PI4K2B: variants seen among roughly 807,000 people sequenced by gnomAD.
The protein encoded by PI4K2B is phosphatidylinositol 4-kinase type 2-beta.
Under a neutral mutation model 56.6 loss-of-function variants are expected in PI4K2B, and 46 were observed. The observed-to-expected ratio is 0.81, with a 90% confidence interval of 0.64 to 1.04. PI4K2B has a LOEUF of 1.04. Among genes scored for constraint, PI4K2B ranks in the 50% least tolerant of loss-of-function variants. The pLI, the probability that PI4K2B is intolerant of heterozygous loss-of-function variation, is 0.00. For synonymous variants in PI4K2B, 211 were observed against 223.8 expected (o/e 0.94, Z 0.51); for missense variants, 556 against 607.7 (o/e 0.91, Z 0.89).
At chr4:25,238,207 C>G (rs1715349558) in intron 1 of PI4K2B, among the ~76,000 whole-genome samples, 1 of 152,174 alleles carries the variant, frequency 6.6e-6, no homozygotes, top group Admixed American at 6.5e-5. Context: ...TTTGAAATTA[C>G]TGAGCAGCTA....
intron 7 of PI4K2B, among the ~76,000 whole-genome samples, chr4:25,264,849 T>C (rs1056779873): frequency 4.0e-5 from 6 of 151,400 alleles, no homozygotes; most frequent in African/African-American, 1.2e-4. Flanking sequence ...CCAGCCTGGG[T>C]GACAAGAGTG....
chr4:25,276,726 T>C, intron 9 of PI4K2B: 2 of 985,400 alleles, frequency 2.0e-6, no homozygotes, highest in Non-Finnish European at 2.4e-6. Flanking sequence ...TTTGATTCCA[T>C]TGCTCCTGGA....
At chr4:25,234,588 C>T (rs894957001) in intron 1 of PI4K2B, among the ~76,000 whole-genome samples, 157 bp downstream of exon 1, 1 of 152,246 alleles carries the variant, frequency 6.6e-6, no homozygotes, top group South Asian at 2.1e-4. Flanking sequence ...CAGCCGCAGC[C>T]GCACCGCGGG....
chr4:25,234,810 G>T (rs1715179806), intron 1 of PI4K2B, among the ~76,000 whole-genome samples: 1 of 152,218 alleles, frequency 6.6e-6, no homozygotes, highest in South Asian at 2.1e-4. Context: ...GAAAGTTCCC[G>T]GAGTGGTGAA....
At chr4:25,251,933 C>A (rs1434236705) in intron 1 of PI4K2B, among the ~76,000 whole-genome samples, 1 of 152,086 alleles carries the variant, frequency 6.6e-6, no homozygotes, top group African/African-American at 2.4e-5. Flanking sequence ...AAGTGATTCT[C>A]CTGCCTCAGC....
intron 6 of PI4K2B, among the ~76,000 whole-genome samples, chr4:25,263,433 A>C (rs1560377258): frequency 6.6e-6 from 1 of 152,214 alleles, no homozygotes; most frequent in African/African-American, 2.4e-5. Flanking sequence ...TAAGCAATGA[A>C]TCTAGCAGTA....
At chr4:25,250,874 A>G (rs569888472) in intron 1 of PI4K2B, among the ~76,000 whole-genome samples, 10 of 152,176 alleles carry the variant, frequency 6.6e-5, no homozygotes, top group African/African-American at 2.2e-4. Context: ...GGTAGAGCCA[A>G]TACAACCTGC....
chr4:25,271,498 G>A (rs1216972066), intron 9 of PI4K2B, among the ~76,000 whole-genome samples: 3 of 152,158 alleles, frequency 2.0e-5, no homozygotes, highest in Non-Finnish European at 2.9e-5. Context: ...CTTAGTAGAC[G>A]AGGAGATGAC....
chr4:25,270,045 A>G (rs1015341612), intron 9 of PI4K2B, among the ~76,000 whole-genome samples: 3 of 151,954 alleles, frequency 2.0e-5, no homozygotes, highest in Non-Finnish European at 4.4e-5. Context: ...CTTGTTGTAT[A>G]CTGTTTATTT....
Position 25,256,613 on chromosome 4 carries a change from A to G in PI4K2B, c.695A>G (p.Tyr232Cys), listed in dbSNP as rs1187355970. The G allele has an allele frequency of 4.3e-6, 7 of 1,613,984 alleles. No homozygotes were observed. Among genetic ancestry groups the G allele is most frequent in the Non-Finnish European group, 5.9e-6 (7 of 1,179,912 alleles). Residue 232 changes from tyrosine (Y) to cysteine (C), a missense_variant, in exon 4 of 10, where the codon TAT becomes TGT. Coordinates refer to ENST00000264864, the MANE Select transcript of PI4K2B (RefSeq NM_018323.4). ...IDRAKSRGKK[Y>C]ALEKVPKVGR... ...CGTGCAAAATCAAGAGGCAAAAAGT[A>G]TGCTTTAGAAAAAGTGCCAAAAGTG... is the stretch of plus-strand genomic sequence containing the variant.
At chr4:25,273,714 C>T (rs1716998029) in intron 9 of PI4K2B, among the ~76,000 whole-genome samples, 1 of 152,252 alleles carries the variant, frequency 6.6e-6, no homozygotes, top group African/African-American at 2.4e-5. Flanking sequence ...CCCTCTTCTC[C>T]CATTCCTCTT....
intron 1 of PI4K2B, among the ~76,000 whole-genome samples, chr4:25,252,074 G>A (rs146207043): frequency 0.074 from 11,269 of 152,094 alleles, 467 homozygotes; most frequent in South Asian, 0.13. Flanking sequence ...TGATCCACTC[G>A]CCTCAGCCTC....
At chr4:25,248,723 A>G (rs1715902546) in intron 1 of PI4K2B, among the ~76,000 whole-genome samples, 1 of 152,064 alleles carries the variant, frequency 6.6e-6, no homozygotes, top group Admixed American at 6.5e-5. Context: ...CATGTACATT[A>G]AAATTTTGAT....
chr4:25,276,881 ACTTAT>A (rs1156983269), intron 9 of PI4K2B, 128 bp from the exon 10 acceptor site: 6 of 1,360,546 alleles, frequency 4.4e-6, no homozygotes, highest in Non-Finnish European at 5.7e-6. Context: ...TATAACAGGT[ACTTAT>A]CTTCACAGTC....
rs752071916 is a variant in PI4K2B at position 25,260,556 on chromosome 4, G to A, written c.943G>A (p.Glu315Lys). 25 of 1,405,716 alleles carry A rather than the reference G, an allele frequency of 1.8e-5. No homozygotes were observed. Among genetic ancestry groups the A allele is most frequent in the Middle Eastern group, 1.8e-4 (1 of 5,428 alleles). The allele number at this position is 1,405,716 out of a possible 1,614,324, so 87.1% of individuals were successfully genotyped here. A position where few individuals can be genotyped will look rare whatever the true frequency, so the allele number is the denominator to read the frequency against. The change falls in exon 6 of 10, where the codon GAA becomes AAA. Residue 315 changes from glutamate (E) to lysine (K), a missense_variant. Glu to Lys is a moderately conservative substitution (Grantham distance 56, BLOSUM62 1). Transcript: ENST00000264864. ...CAATGATAATTGGTTAGTCAGATAC[G>A]AAAAGCAGAAATGTGAAAAGGAAAT... ...RGNDNWLVRY[E>K]KQKCEKEIDH... is the part of the protein sequence containing the mutation.
At chr4:25,236,014 C>A (rs1715246462) in intron 1 of PI4K2B, among the ~76,000 whole-genome samples, 1 of 137,768 alleles carries the variant, frequency 7.3e-6, no homozygotes, top group Non-Finnish European at 1.7e-5. Context: ...ACAACAACAA[C>A]AAAAATTCAA....
chr4:25,254,341 A>T, intron 2 of PI4K2B: 1 of 738,650 alleles, frequency 1.4e-6, no homozygotes, highest in Non-Finnish European at 1.7e-6. Flanking sequence ...GTGGATATTT[A>T]ATAGATAGTG....
intron 1 of PI4K2B, among the ~76,000 whole-genome samples, chr4:25,235,504 G>C (rs778856176): frequency 1.3e-5 from 2 of 152,204 alleles, no homozygotes; most frequent in Non-Finnish European, 2.9e-5. Context: ...GCATATTCTA[G>C]AGTAAATAAA....
At position 25,277,161 on chromosome 4, in the gene PI4K2B, A is replaced by G; in HGVS notation, c.1420A>G (p.Arg474Gly). Reference sequence around the variant, plus strand: ...TTCCTTTACCCAGACTGTCAATTGCAGGAAGCCATTTTTTTCCTCCTGGTA... The same window carrying G: ...TTCCTTTACCCAGACTGTCAATTGCGGGAAGCCATTTTTTTCCTCCTGGTA... Reference protein sequence around the residue: ...SNSFTQTVNCRKPFFSSW With the variant: ...SNSFTQTVNCGKPFFSSW Residue 474 changes from arginine to glycine, a missense_variant, in exon 10 of 10, where the codon AGG becomes GGG. By Grantham distance (125) the Arg-to-Gly change is moderately radical (BLOSUM62 -2). Transcript: ENST00000264864. 1 of 1,612,942 alleles carries G rather than the reference A, an allele frequency of 6.2e-7. No homozygotes were observed. Among genetic ancestry groups the G allele is most frequent in the Non-Finnish European group, 8.5e-7 (1 of 1,179,154 alleles).
Sources: allele counts gnomAD v4.1 joint callset (sites outside exome capture counted in the v4.1 genomes callset), GRCh38; gene constraint gnomAD v4.1.1; transcripts MANE v1.5; gene names NCBI Gene and HGNC (gene_info 2026-07-23, HGNC 2026-07-21).